Variants in CAPZA2 observed in about 807,000 individuals in gnomAD.
The protein encoded by CAPZA2 is F-actin-capping protein subunit alpha-2.
A neutral mutation model predicts 44.0 loss-of-function variants in CAPZA2; 13 were observed. The ratio of observed to expected loss-of-function variants is 0.30; its 90% CI spans 0.19 to 0.47. CAPZA2 has a LOEUF of 0.47. Ranked by LOEUF, CAPZA2 falls within the 20% of genes least tolerant of loss-of-function variation. The pLI is 1.00. For synonymous variants in CAPZA2, 94 were observed against 108.2 expected, an observed-to-expected ratio of 0.87 and a Z score of 0.81; for missense variants, 244 against 338.6, an observed-to-expected ratio of 0.72 and a Z score of 2.19.
In CAPZA2 at chr7:116,906,245, AT is replaced by A; in HGVS notation, c.427-14del. On this transcript the variant is annotated splice_polypyrimidine_tract_variant and intron_variant, in intron 5 of 9. Transcript: ENST00000361183. ...TGGCCCTAAATTCATTCTTATGCTTATTTTCTTTGCCAATAAGGTGTATGGC... is the reference window on the plus strand; with the variant it reads ...TGGCCCTAAATTCATTCTTATGCTTATTTCTTTGCCAATAAGGTGTATGGC... 3 of 1,605,130 alleles carry A rather than the reference AT, an allele frequency of 1.9e-6. No homozygotes were observed. Among genetic ancestry groups the A allele is most frequent in the Non-Finnish European group, 1.7e-6 (2 of 1,178,208 alleles).
At chr7:116,889,581 A>AG (rs1796804910) in intron 2 of CAPZA2, among the ~76,000 whole-genome samples, 1 of 151,680 alleles carries the variant, frequency 6.6e-6, no homozygotes, top group Non-Finnish European at 1.5e-5. Flanking sequence ...AAAAAAAAAA[A>AG]GATATAATGG....
chr7:116,909,870 G>GT (rs764118610), intron 6 of CAPZA2: 69 of 190,096 alleles, frequency 3.6e-4, no homozygotes, highest in South Asian at 8.4e-4. Context: ...GTTTTGTTTT[G>GT]TTTTTTTTAA....
rs1014011165 is a variant in CAPZA2 at position 116,918,661 on chromosome 7, C to T, written c.*794C>T. 4 of 151,946 alleles carry T rather than the reference C, an allele frequency of 2.6e-5. No individual in the cohort carries two copies. The highest frequency in any genetic ancestry group is 7.3e-5 in the African/African-American group (3 of 41,186). The allele number at this position is 151,946 out of a possible 1,614,324, so 9.4% of individuals were successfully genotyped here. A position where few individuals can be genotyped will look rare whatever the true frequency, so the allele number is the denominator to read the frequency against. On this transcript the variant is annotated 3_prime_UTR_variant, in exon 10 of 10. Transcript: ENST00000361183. ...TAATCCTGAACTCATGACCATGTCT[C>T]GGTTTATTTTTTTTTTCTTGGATTG...
At chr7:116,903,821 C>T (rs915802134) in intron 4 of CAPZA2, among the ~76,000 whole-genome samples, 1 of 152,160 alleles carries the variant, frequency 6.6e-6, no homozygotes, top group African/African-American at 2.4e-5. Flanking sequence ...CTCACAAGTT[C>T]TGTAGTTTTG....
intron 1 of CAPZA2, among the ~76,000 whole-genome samples, chr7:116,867,029 T>C (rs1796491737): frequency 6.6e-6 from 1 of 152,250 alleles, no homozygotes; most frequent in African/African-American, 2.4e-5. Context: ...CTAACTTTTT[T>C]TGGCCCTGTA....
chr7:116,914,080 T>C (rs1161847155), intron 8 of CAPZA2, among the ~76,000 whole-genome samples: 3 of 150,430 alleles, frequency 2.0e-5, no homozygotes, highest in Non-Finnish European at 4.4e-5. Flanking sequence ...CAGGCTGGAC[T>C]GCAGTGGCGC....
chr7:116,899,293 T>C (rs1166356349), intron 4 of CAPZA2, among the ~76,000 whole-genome samples: 2 of 149,364 alleles, frequency 1.3e-5, no homozygotes, highest in African/African-American at 4.9e-5. Context: ...GTCACTAGCA[T>C]TTTTTTTTTA....
At chr7:116,898,240 C>T (rs1796951885) in intron 3 of CAPZA2, among the ~76,000 whole-genome samples, 1 of 151,972 alleles carries the variant, frequency 6.6e-6, no homozygotes. Flanking sequence ...CTTCTCTTCT[C>T]ACTGTTGCCT....
rs1329346360 is a variant in CAPZA2 at position 116,907,359 on chromosome 7, TTAATA to T, written c.506+1021_506+1025del. On this transcript the variant is annotated intron_variant, in intron 6 of 9. Coordinates refer to ENST00000361183, the MANE Select transcript of CAPZA2 (RefSeq NM_006136.3). ...GTCATATAGAGTTACTTTTATGGAC[TTAATA>T]TAAGTGTAGTTTCTCTGTGTTGGGT... Among the ~76,000 whole-genome samples the T allele has an allele frequency of 3.9e-5, 6 of 152,238 alleles. No individual in the cohort carries two copies. In the South Asian group the frequency reaches 8.3e-4, roughly 21 times the overall value.
intron 2 of CAPZA2, among the ~76,000 whole-genome samples, chr7:116,888,968 AC>A (rs1234458439): frequency 1.6e-4 from 24 of 152,356 alleles, no homozygotes; most frequent in African/African-American, 5.8e-4. Flanking sequence ...AAGGGAAAAA[AC>A]ATTTTCATCC....
rs1562959856 is a variant in CAPZA2, at chr7:116,890,523, AAAATATATATATATATATATATAT to A, written c.103+2335_103+2358del. Reference sequence around the variant, plus strand: ...CTGTCTCTACTTAAAAAAAAAAAAAAAAATATATATATATATATATATATATATATATATATATATATATACACA... The same window carrying A: ...CTGTCTCTACTTAAAAAAAAAAAAAAATATATATATATATATATATACACA... On this transcript the variant is annotated intron_variant, in intron 2 of 9. Transcript: ENST00000361183. Among the ~76,000 whole-genome samples, 2 of 38,574 alleles carry A rather than the reference AAAATATATATATATATATATATAT, an allele frequency of 5.2e-5. 1 individual carries two copies. The highest frequency in any genetic ancestry group is 8.7e-5 in the Non-Finnish European group (2 of 23,054). 25.3% of individuals were successfully genotyped at this position (38,574 alleles called of 152,430 possible).
chr7:116,910,358 A>C (rs1366388328), intron 7 of CAPZA2, 47 bp downstream of exon 7: 1 of 885,414 alleles, frequency 1.1e-6, no homozygotes, highest in Admixed American at 1.8e-5. Flanking sequence ...TTCTGAACAG[A>C]GAAACAACTA....
rs990320950 is a variant in CAPZA2, at chr7:116,920,831, C to T, written c.*2964C>T. 1 of 152,220 alleles carries T rather than the reference C, an allele frequency of 6.6e-6. No individual in the cohort carries two copies. Among genetic ancestry groups the T allele is most frequent in the African/African-American group, 2.4e-5 (1 of 41,420 alleles). The allele number at this position is 152,220 out of a possible 1,614,324, so 9.4% of individuals were successfully genotyped here. A position where few individuals can be genotyped will look rare whatever the true frequency, so the allele number is the denominator to read the frequency against. ...TAAAGTAAATGAGACCAATGATGAG[C>T]ATGGCTGTATGTTTTTCTTCAACCG... On this transcript the variant is annotated 3_prime_UTR_variant, in exon 10 of 10. Transcript: ENST00000361183.
intron 7 of CAPZA2, among the ~76,000 whole-genome samples, chr7:116,911,338 A>C (rs868852452): frequency 9.2e-5 from 14 of 152,178 alleles, no homozygotes; most frequent in African/African-American, 3.1e-4. Context: ...TTAAATGTGG[A>C]TATGTTACTT....
intron 5 of CAPZA2, 163 bp downstream of exon 5, chr7:116,904,546 TAATA>T (rs1316092159): frequency 1.4e-5 from 8 of 588,180 alleles, no homozygotes; most frequent in Non-Finnish European, 2.1e-5. Flanking sequence ...AAATTCTGGA[TAATA>T]AATAGATATA....
Position 116,917,812 on chromosome 7 carries a change from T to C in CAPZA2, c.806T>C (p.Ile269Thr). The C allele has an allele frequency of 1.2e-6, 2 of 1,612,344 alleles. No homozygotes were observed. The highest frequency in any genetic ancestry group is 2.2e-5 in the East Asian group (1 of 44,876). Residue 269 changes from isoleucine (I) to threonine (T), a missense_variant, in exon 10 of 10, where the codon ATT (isoleucine) becomes ACT (threonine). Transcript: ENST00000361183. Reference sequence around the variant, plus strand: ...CAGTTGCCAGTTACACGCACTAAGATTGATTGGAACAAGATCCTTAGCTAC... The same window carrying C: ...CAGTTGCCAGTTACACGCACTAAGACTGATTGGAACAAGATCCTTAGCTAC... ...RRQLPVTRTKIDWNKILSYKI... is the reference protein window; with the variant it reads ...RRQLPVTRTKTDWNKILSYKI...
intron 6 of CAPZA2, 63 bp downstream of exon 6, chr7:116,906,405 T>G: frequency 6.3e-7 from 1 of 1,575,870 alleles, no homozygotes; most frequent in Non-Finnish European, 8.6e-7. Flanking sequence ...TAGTTCTTGC[T>G]TTAGTGATTT....
intron 1 of CAPZA2, among the ~76,000 whole-genome samples, chr7:116,867,149 A>G (rs1161091456): frequency 6.6e-6 from 1 of 152,186 alleles, no homozygotes; most frequent in Admixed American, 6.5e-5. Context: ...TACTTCGTTT[A>G]TTATCTCTGC....
In CAPZA2 at chr7:116,919,898, T is replaced by G. The variant is rs545806561; in HGVS notation, c.*2031T>G. On this transcript the variant is annotated 3_prime_UTR_variant, in exon 10 of 10. Coordinates refer to ENST00000361183, the MANE Select transcript of CAPZA2 (RefSeq NM_006136.3). Reference sequence around the variant, plus strand: ...ATAATAATAATAATAATAATATAATTTAGAACAGTCTGAAATAATGATGGC... The same window carrying G: ...ATAATAATAATAATAATAATATAATGTAGAACAGTCTGAAATAATGATGGC... 5 of 149,596 alleles carry G rather than the reference T, an allele frequency of 3.3e-5. No homozygotes were observed. The highest frequency in any genetic ancestry group is 1.2e-4 in the African/African-American group (5 of 40,712). The allele number at this position is 149,596 out of a possible 1,614,324, so 9.3% of individuals were successfully genotyped here.
Sources: gnomAD v4.1 joint callset for allele counts (sites outside exome capture counted in the v4.1 genomes callset) on GRCh38, gnomAD v4.1.1 for gene constraint, MANE v1.5 for transcripts, NCBI Gene and HGNC (gene_info 2026-07-23, HGNC 2026-07-21) for gene names.